The following CERS6 variants were observed in gnomAD, a reference collection of about 807,000 sequenced individuals.
The protein encoded by CERS6 is ceramide synthase 6, also known as LAG1 homolog, ceramide synthase 6.
A neutral mutation model predicts 56.8 loss-of-function variants in CERS6; 26 were observed. That is an observed-to-expected ratio of 0.46 (90% CI 0.34 to 0.63). The LOEUF is 0.63. CERS6 is among the 30% of genes least tolerant of loss of function. CERS6 has a pLI of 0.01. For missense variants in CERS6, 415 were observed against 467.5 expected, an observed-to-expected ratio of 0.89 and a Z score of 1.04; for synonymous variants, 164 against 173.3, an observed-to-expected ratio of 0.95 and a Z score of 0.42.
chr2:168,477,173 C>CAGAGAGAGAGAGAGAGAGAGAG (rs10609883), intron 1 of CERS6, among the ~76,000 whole-genome samples: 7 of 115,454 alleles, frequency 6.1e-5, no homozygotes, highest in African/African-American at 2.3e-4. Flanking sequence ...GAGGGAGAGA[C>CAGAGAGAGAGAGAGAGAGAGAG]AGAGAGAGAG....
intron 3 of CERS6, among the ~76,000 whole-genome samples, chr2:168,583,944 A>G (rs146403816): frequency 1.3e-5 from 2 of 152,340 alleles, no homozygotes; most frequent in African/African-American, 2.4e-5. Context: ...TCTGACATGT[A>G]CTGACATGTA....
At chr2:168,628,071 A>T (rs1684630620) in intron 3 of CERS6, among the ~76,000 whole-genome samples, 1 of 152,104 alleles carries the variant, frequency 6.6e-6, no homozygotes, top group Non-Finnish European at 1.5e-5. Flanking sequence ...TCAAGGGGTC[A>T]TATCTTCTTG....
intron 3 of CERS6, among the ~76,000 whole-genome samples, chr2:168,562,641 G>T (rs1695811922): frequency 6.6e-6 from 1 of 152,314 alleles, no homozygotes; most frequent in Admixed American, 6.5e-5. Context: ...CAGCATTGCT[G>T]CAAACATGTC....
At chr2:168,528,252 A>C (rs1695104570) in intron 1 of CERS6, among the ~76,000 whole-genome samples, 1 of 152,156 alleles carries the variant, frequency 6.6e-6, no homozygotes, top group Admixed American at 6.5e-5. Context: ...GCTGTTCTAC[A>C]CCCAGCAGGA....
intron 3 of CERS6, among the ~76,000 whole-genome samples, chr2:168,619,768 A>G (rs575804047): frequency 3.3e-5 from 5 of 151,966 alleles, no homozygotes; most frequent in Admixed American, 2.6e-4. Context: ...AATGTAAACT[A>G]TTATAGCCAC....
chr2:168,625,383 T>G (rs1382174999), intron 3 of CERS6, among the ~76,000 whole-genome samples: 1 of 152,232 alleles, frequency 6.6e-6, no homozygotes, highest in Non-Finnish European at 1.5e-5. Context: ...TGTTCATACT[T>G]GCACAGTTCC....
chr2:168,772,117 C>T lies in CERS6; in HGVS notation c.*2455C>T, dbSNP rs557783467. 2.0e-5 allele frequency: 3 copies of T among 152,300 alleles called. No individual in the cohort carries two copies. The East Asian group carries it at 5.8e-4, about 29-fold the overall frequency. 9.4% of individuals were successfully genotyped at this position (152,300 alleles called of 1,614,324 possible). A position where few individuals can be genotyped will look rare whatever the true frequency, so the allele number is the denominator to read the frequency against. On this transcript the variant is annotated 3_prime_UTR_variant, in exon 10 of 10. Transcript: ENST00000305747. ...TGAGAGAGAAAAATATGTGCAGTAT[C>T]TCATCCTCCCCCTGTACCAGGCCAT... is the stretch of plus-strand genomic sequence containing the variant.
chr2:168,473,376 G>A (rs1694012434), intron 1 of CERS6, among the ~76,000 whole-genome samples: 1 of 151,752 alleles, frequency 6.6e-6, no homozygotes, highest in Admixed American at 6.6e-5. Context: ...CTAAGTCCTA[G>A]TATCTCTACA....
chr2:168,738,471 A>G (rs935830139), intron 8 of CERS6, among the ~76,000 whole-genome samples: 2 of 152,230 alleles, frequency 1.3e-5, no homozygotes, highest in Non-Finnish European at 2.9e-5. Flanking sequence ...ACACTGTTGT[A>G]GATGAACAGT....
chr2:168,744,863 G>A (rs1486861775), intron 8 of CERS6, among the ~76,000 whole-genome samples: 5 of 152,214 alleles, frequency 3.3e-5, no homozygotes, highest in Admixed American at 6.5e-5. Flanking sequence ...AAAGCTTACA[G>A]AAGTGGTTCC....
chr2:168,659,876 C>G (rs990687336), intron 4 of CERS6, among the ~76,000 whole-genome samples: 1 of 152,102 alleles, frequency 6.6e-6, no homozygotes, highest in South Asian at 2.1e-4. Context: ...ATGCCATTTT[C>G]TTTGTAGGAA....
intron 4 of CERS6, among the ~76,000 whole-genome samples, chr2:168,647,196 G>A (rs1029836131): frequency 2.3e-4 from 35 of 152,224 alleles, no homozygotes; most frequent in African/African-American, 7.2e-4. Flanking sequence ...TGTCTTCACT[G>A]ATTTCTTTGA....
chr2:168,585,298 A>G (rs1683514265), intron 3 of CERS6, among the ~76,000 whole-genome samples: 2 of 152,264 alleles, frequency 1.3e-5, no homozygotes, highest in Admixed American at 1.3e-4. Flanking sequence ...AACAGTATTC[A>G]TCAAGCACAT....
At chr2:168,648,087 G>A (rs1181308312) in intron 4 of CERS6, among the ~76,000 whole-genome samples, 3 of 152,074 alleles carry the variant, frequency 2.0e-5, no homozygotes, top group South Asian at 2.1e-4. Context: ...CTGTAGGAAC[G>A]GTACCAACTC....
At chr2:168,717,600 A>G (rs1687256514) in intron 7 of CERS6, among the ~76,000 whole-genome samples, 1 of 152,180 alleles carries the variant, frequency 6.6e-6, no homozygotes, top group South Asian at 2.1e-4. Context: ...CAACCATACA[A>G]ATGAATTTCT....
chr2:168,481,067 G>T (rs900387835), intron 1 of CERS6, among the ~76,000 whole-genome samples: 3 of 152,166 alleles, frequency 2.0e-5, no homozygotes, highest in Admixed American at 6.5e-5. Context: ...GGCTTGACTC[G>T]CAGAGAGGCA....
At chr2:168,761,036 C>T (rs556610559) in intron 8 of CERS6, among the ~76,000 whole-genome samples, 4 of 152,288 alleles carry the variant, frequency 2.6e-5, no homozygotes, top group East Asian at 1.9e-4. Flanking sequence ...GGATTATAGG[C>T]GTGAGCCACC....
intron 3 of CERS6, among the ~76,000 whole-genome samples, chr2:168,571,178 T>C (rs1359779545): frequency 1.3e-5 from 2 of 152,114 alleles, no homozygotes; most frequent in Non-Finnish European, 2.9e-5. Flanking sequence ...TCTCTTGCTC[T>C]CCTTCTCTTT....
intron 1 of CERS6, among the ~76,000 whole-genome samples, chr2:168,503,981 G>T (rs868480515): frequency 6.6e-6 from 1 of 152,186 alleles, no homozygotes; most frequent in African/African-American, 2.4e-5. Flanking sequence ...GCCTAAAGGG[G>T]TTAATGTGTG....
Sources: allele counts gnomAD v4.1 joint callset (sites outside exome capture counted in the v4.1 genomes callset), GRCh38; gene constraint gnomAD v4.1.1; transcripts MANE v1.5; gene names NCBI Gene and HGNC (gene_info 2026-07-23, HGNC 2026-07-21).